Variants in ANKFN1 observed in about 807,000 individuals in gnomAD.
ANKFN1 encodes the protein ankyrin repeat and fibronectin type-III domain-containing protein 1.
Under a neutral mutation model 108.7 loss-of-function variants are expected in ANKFN1, and 74 were observed. The ratio of observed to expected loss-of-function variants is 0.68; its 90% CI spans 0.56 to 0.83. The LOEUF is 0.83. Among genes scored for constraint, ANKFN1 ranks in the 40% least tolerant of loss-of-function variants. The pLI is 0.00. For synonymous variants in ANKFN1, 547 were observed against 516.2 expected, an observed-to-expected ratio of 1.06 and a Z score of -0.81; for missense variants, 1,505 against 1,382.3, an observed-to-expected ratio of 1.09 and a Z score of -1.41.
chr17:56,401,985 T>C (rs1441839491), intron 8 of ANKFN1, among the ~76,000 whole-genome samples: 1 of 152,194 alleles, frequency 6.6e-6, no homozygotes, highest in Non-Finnish European at 1.5e-5. Flanking sequence ...GTTTATGTGG[T>C]GTATCACATT....
intron 1 of ANKFN1, among the ~76,000 whole-genome samples, chr17:56,170,807 T>C (rs11867455): frequency 0.28 from 16,747 of 59,292 alleles, 2,662 homozygotes; most frequent in East Asian, 0.5. Context: ...TATATATATA[T>C]ACACACACAC....
chr17:56,083,483 AAG>A (rs146207297), intron 4 of ANKFN1, among the ~76,000 whole-genome samples: 4,706 of 151,438 alleles, frequency 0.031, 317 homozygotes, highest in African/African-American at 0.11. Context: ...GAGAGGAAGA[AAG>A]AGAGAGAGAG....
chr17:56,189,325 T>A (rs1045240673), intron 1 of ANKFN1, among the ~76,000 whole-genome samples: 2 of 148,136 alleles, frequency 1.4e-5, no homozygotes, highest in Non-Finnish European at 3.0e-5. Flanking sequence ...CGCCCGCCAC[T>A]ACGCCTGGCT....
chr17:56,205,078 A>G (rs1297475204), intron 1 of ANKFN1, among the ~76,000 whole-genome samples: 1 of 111,490 alleles, frequency 9.0e-6, no homozygotes, highest in East Asian at 4.0e-4. Flanking sequence ...CTCCGTCTCA[A>G]AAACAAAACA....
intron 2 of ANKFN1, among the ~76,000 whole-genome samples, chr17:56,224,411 A>G (rs981501414): frequency 6.6e-6 from 1 of 152,246 alleles, no homozygotes; most frequent in Non-Finnish European, 1.5e-5. Flanking sequence ...CTCAACATTC[A>G]TAATCTTGAA....
At chr17:56,388,665 C>T (rs537255358) in intron 8 of ANKFN1, among the ~76,000 whole-genome samples, 3 of 151,880 alleles carry the variant, frequency 2.0e-5, no homozygotes, top group Non-Finnish European at 4.4e-5. Flanking sequence ...CTCTAATTAC[C>T]TTTTTTCTCT....
At chr17:56,419,232 A>G (rs1379632379) in intron 8 of ANKFN1, among the ~76,000 whole-genome samples, 4 of 152,222 alleles carry the variant, frequency 2.6e-5, no homozygotes, top group Non-Finnish European at 5.9e-5. Context: ...CTGTAATCCC[A>G]GCACTTTGGG....
intron 20 of ANKFN1, 83 bp downstream of exon 20, chr17:56,499,181 G>T: frequency 3.0e-6 from 4 of 1,324,720 alleles, no homozygotes; most frequent in Non-Finnish European, 4.1e-6. Context: ...TTATGCTGAG[G>T]TATTGGTTCC....
intron 18 of ANKFN1, among the ~76,000 whole-genome samples, chr17:56,489,965 A>C (rs937380115): frequency 1.2e-4 from 19 of 152,202 alleles, no homozygotes; most frequent in African/African-American, 3.9e-4. Flanking sequence ...AAACAGGAAA[A>C]TCAAGCCCAC....
At chr17:56,255,346 G>A (rs1477441554) in intron 3 of ANKFN1, among the ~76,000 whole-genome samples, 1 of 152,084 alleles carries the variant, frequency 6.6e-6, no homozygotes, top group African/African-American at 2.4e-5. Context: ...GCATAGCGCA[G>A]GTCCCAACAC....
intron 5 of ANKFN1, 25 bp from the exon 6 acceptor site, chr17:56,353,811 C>A (rs1263265631): frequency 6.2e-7 from 1 of 1,608,650 alleles, no homozygotes. Flanking sequence ...AGAAATTGTG[C>A]TGATCTACTT....
At chr17:56,456,640 C>G (rs551735857) in intron 11 of ANKFN1, among the ~76,000 whole-genome samples, 1 of 151,428 alleles carries the variant, frequency 6.6e-6, no homozygotes, top group Non-Finnish European at 1.5e-5. Flanking sequence ...TCGTGATCCG[C>G]CCCCCTCGGC....
At chr17:56,163,249 A>G (rs1015321729) in intron 1 of ANKFN1, among the ~76,000 whole-genome samples, 3 of 152,098 alleles carry the variant, frequency 2.0e-5, no homozygotes. Context: ...AGTTTTGCCT[A>G]TAACATTGTT....
intron 3 of ANKFN1, among the ~76,000 whole-genome samples, chr17:56,257,573 T>C (rs895769759): frequency 6.6e-6 from 1 of 152,118 alleles, no homozygotes; most frequent in Non-Finnish European, 1.5e-5. Flanking sequence ...CGGTGCCCTC[T>C]CAGAACCCTT....
At chr17:56,441,463 A>G (rs2049101732) in intron 9 of ANKFN1, among the ~76,000 whole-genome samples, 1 of 152,100 alleles carries the variant, frequency 6.6e-6, no homozygotes, top group Admixed American at 6.5e-5. Context: ...TCCTAATCGC[A>G]TATCTATACC....
intron 4 of ANKFN1, among the ~76,000 whole-genome samples, chr17:56,054,979 C>CA (rs1365529663): frequency 6.6e-6 from 1 of 151,764 alleles, no homozygotes; most frequent in East Asian, 1.9e-4. Context: ...GGAGTCATAA[C>CA]ATTTTTGTTC....
intron 4 of ANKFN1, among the ~76,000 whole-genome samples, chr17:56,074,999 G>A (rs1036274710): frequency 6.6e-6 from 1 of 152,188 alleles, no homozygotes; most frequent in African/African-American, 2.4e-5. Flanking sequence ...GAAGGTGCTG[G>A]TGGATCTTGA....
intron 4 of ANKFN1, among the ~76,000 whole-genome samples, chr17:56,105,417 G>A (rs547841519): frequency 1.3e-3 from 191 of 152,032 alleles, no homozygotes; most frequent in South Asian, 3.7e-3. Context: ...CGGCTTTATG[G>A]AACAATTCAG....
intron 8 of ANKFN1, among the ~76,000 whole-genome samples, chr17:56,394,186 A>G (rs896011773): frequency 1.3e-5 from 2 of 152,102 alleles, no homozygotes; most frequent in African/African-American, 4.8e-5. Context: ...ACCTCAAATC[A>G]TTTTCTTTTG....
Sources: gnomAD v4.1 joint callset for allele counts (sites outside exome capture counted in the v4.1 genomes callset) on GRCh38, gnomAD v4.1.1 for gene constraint, MANE v1.5 for transcripts, NCBI Gene and HGNC (gene_info 2026-07-23, HGNC 2026-07-21) for gene names.